Variants in POFUT3 observed in about 807,000 individuals in gnomAD.
The protein encoded by POFUT3 is GDP-fucose protein O-fucosyltransferase 3.
At chr8:33,450,604 C>T in the POFUT3 span, among the ~76,000 whole-genome samples, 1 of 152,104 alleles carries the variant, frequency 6.6e-6, no homozygotes, top group Non-Finnish European at 1.5e-5. Context: ...GAATCAGAGG[C>T]GTTGAGCTTG....
chr8:33,310,983 C>T, the POFUT3 span, among the ~76,000 whole-genome samples: 1 of 152,184 alleles, frequency 6.6e-6, no homozygotes. Context: ...CTATTTTTCC[C>T]TCCCTGCTCT....
the POFUT3 span, among the ~76,000 whole-genome samples, chr8:33,463,435 G>A: frequency 6.6e-6 from 1 of 151,992 alleles, no homozygotes; most frequent in Non-Finnish European, 1.5e-5. Context: ...AACCTGGGAG[G>A]CAGAGGTTGC....
the POFUT3 span, among the ~76,000 whole-genome samples, chr8:33,363,740 T>G: frequency 6.6e-6 from 1 of 152,326 alleles, no homozygotes; most frequent in Admixed American, 6.5e-5. Flanking sequence ...AATCTCTGAA[T>G]AGACCATTAA....
At chr8:33,386,490 C>A in the POFUT3 span, among the ~76,000 whole-genome samples, 1 of 152,066 alleles carries the variant, frequency 6.6e-6, no homozygotes, top group African/African-American at 2.4e-5. Flanking sequence ...GTTAGAACTG[C>A]AGGAATGATC....
the POFUT3 span, among the ~76,000 whole-genome samples, chr8:33,413,371 C>T: frequency 2.0e-5 from 3 of 152,038 alleles, no homozygotes; most frequent in Non-Finnish European, 4.4e-5. Context: ...CTTTCTCTCT[C>T]TCTCTCTCTC....
chr8:33,318,050 G>T, the POFUT3 span, among the ~76,000 whole-genome samples: 2 of 152,072 alleles, frequency 1.3e-5, no homozygotes, highest in South Asian at 4.1e-4. Flanking sequence ...TAGAATTGCA[G>T]GCAAAGTGTC....
chr8:33,467,356 C>T, the POFUT3 span, among the ~76,000 whole-genome samples: 1 of 151,296 alleles, frequency 6.6e-6, no homozygotes, highest in African/African-American at 2.4e-5. Context: ...GAAGGCGATG[C>T]CATTCTTAAA....
the POFUT3 span, among the ~76,000 whole-genome samples, chr8:33,375,874 G>A: frequency 2.0e-5 from 3 of 151,836 alleles, no homozygotes; most frequent in Admixed American, 6.6e-5. Context: ...AAAATGAGCC[G>A]GGTGTGGTGG....
At chr8:33,452,838 T>G in the POFUT3 span, 4 of 197,282 alleles carry the variant, frequency 2.0e-5, no homozygotes, top group Non-Finnish European at 4.1e-5. Flanking sequence ...GATAGGTACA[T>G]AAATGCCCAT....
At chr8:33,432,803 T>C in the POFUT3 span, among the ~76,000 whole-genome samples, 7 of 152,300 alleles carry the variant, frequency 4.6e-5, no homozygotes, top group East Asian at 1.9e-4. Context: ...TGTTAACTAA[T>C]TCCACATGCA....
chr8:33,332,194 A>AG, the POFUT3 span, among the ~76,000 whole-genome samples: 2 of 150,626 alleles, frequency 1.3e-5, no homozygotes, highest in African/African-American at 4.9e-5. Flanking sequence ...AAAAAAAAAA[A>AG]AAAACGAAGC....
At chr8:33,398,032 G>A in the POFUT3 span, among the ~76,000 whole-genome samples, 1 of 152,188 alleles carries the variant, frequency 6.6e-6, no homozygotes, top group African/African-American at 2.4e-5. Context: ...GATTATGAAT[G>A]TAAATGTTAA....
chr8:33,384,657 TA>T, the POFUT3 span, among the ~76,000 whole-genome samples: 3 of 152,018 alleles, frequency 2.0e-5, no homozygotes, highest in East Asian at 5.8e-4. Context: ...CCGTCTCTAC[TA>T]AAAATATAAA....
At chr8:33,353,321 T>C in the POFUT3 span, among the ~76,000 whole-genome samples, 1 of 152,222 alleles carries the variant, frequency 6.6e-6, no homozygotes, top group Non-Finnish European at 1.5e-5. Flanking sequence ...GCCTACATGA[T>C]GTCAAACAGG....
chr8:33,439,162 T>C, the POFUT3 span, among the ~76,000 whole-genome samples: 1 of 152,180 alleles, frequency 6.6e-6, no homozygotes, highest in African/African-American at 2.4e-5. Context: ...TCCCAGCACT[T>C]TGAAGGCCAA....
At chr8:33,325,736 G>A in the POFUT3 span, among the ~76,000 whole-genome samples, 4 of 152,254 alleles carry the variant, frequency 2.6e-5, no homozygotes, top group South Asian at 8.3e-4. Context: ...ATTGGGAGAA[G>A]GGATAGTGGA....
the POFUT3 span, among the ~76,000 whole-genome samples, chr8:33,336,439 T>G: frequency 1.3e-5 from 2 of 152,188 alleles, no homozygotes; most frequent in Admixed American, 1.3e-4. Flanking sequence ...TATTATTTAT[T>G]TGATTGTAAG....
the POFUT3 span, among the ~76,000 whole-genome samples, chr8:33,379,642 C>A: frequency 1.3e-5 from 2 of 151,476 alleles, no homozygotes; most frequent in East Asian, 3.9e-4. Flanking sequence ...TCTAGGCCAG[C>A]CTGGCCAACA....
At chr8:33,387,772 C>A in the POFUT3 span, among the ~76,000 whole-genome samples, 2 of 152,020 alleles carry the variant, frequency 1.3e-5, no homozygotes, top group Non-Finnish European at 2.9e-5. Flanking sequence ...CCACTGCACT[C>A]CAGCCTGGGC....
Sources: allele counts gnomAD v4.1 joint callset (sites outside exome capture counted in the v4.1 genomes callset), GRCh38; gene constraint gnomAD v4.1.1; transcripts MANE v1.5; gene names NCBI Gene and HGNC (gene_info 2026-07-23, HGNC 2026-07-21).